Variants in UCHL5 observed in about 807,000 individuals in gnomAD.
UCHL5 encodes the protein ubiquitin C-terminal hydrolase L5, also known as ubiquitin carboxyl-terminal hydrolase isozyme L5.
A neutral mutation model predicts 53.8 loss-of-function variants in UCHL5; 34 were observed. The ratio of observed to expected loss-of-function variants is 0.63; its 90% CI spans 0.48 to 0.84. The LOEUF (loss-of-function observed/expected upper bound fraction) is 0.84, where lower values mean the gene tolerates loss of function less well. Among genes scored for constraint, UCHL5 ranks in the 40% least tolerant of loss-of-function variants. The pLI, the probability that UCHL5 is intolerant of heterozygous loss-of-function variation, is 0.00. For missense variants in UCHL5, 290 were observed against 385.6 expected, an observed-to-expected ratio of 0.75 and a Z score of 2.08; for synonymous variants, 111 against 126.3, an observed-to-expected ratio of 0.88 and a Z score of 0.81.
chr1:193,059,859 T>G, upstream of UCHL5: 1 of 1,363,858 alleles, frequency 7.3e-7, no homozygotes, highest in Non-Finnish European at 9.8e-7. The surrounding 1 kb of genome is among the most constrained non-coding windows in gnomAD (Gnocchi z 4.9). Context: ...TCCATGTCTC[T>G]CACCCGCATC....
intron 3 of UCHL5, among the ~76,000 whole-genome samples, chr1:193,038,178 C>T (rs1220612732): frequency 2.6e-5 from 4 of 152,110 alleles, no homozygotes; most frequent in Non-Finnish European, 5.9e-5. Flanking sequence ...AGTCTTAGGC[C>T]GGGCACCGTG....
intron 1 of UCHL5, among the ~76,000 whole-genome samples, chr1:193,058,269 G>T (rs1671410758): frequency 6.6e-6 from 1 of 152,046 alleles, no homozygotes; most frequent in South Asian, 2.1e-4. Flanking sequence ...CACTGTGCCT[G>T]AGATATAGAA....
At chr1:193,043,278 T>C (rs981257370) in intron 3 of UCHL5, among the ~76,000 whole-genome samples, 47 of 151,188 alleles carry the variant, frequency 3.1e-4, no homozygotes, top group African/African-American at 1.1e-3. Context: ...TCTCAGGACA[T>C]CTCCCCTTTG....
At chr1:193,027,391 T>G (rs1030718340) in intron 7 of UCHL5, among the ~76,000 whole-genome samples, 1 of 152,004 alleles carries the variant, frequency 6.6e-6, no homozygotes, top group East Asian at 1.9e-4. Context: ...TATCCAACAG[T>G]ACAAAATACC....
At chr1:193,051,925 G>C in intron 1 of UCHL5, 108 bp from the exon 2 acceptor site, 2 of 751,456 alleles carry the variant, frequency 2.7e-6, no homozygotes, top group Non-Finnish European at 4.4e-6. Context: ...AAACAAAATG[G>C]TAAAACTAAT....
rs1468377397 is a variant in UCHL5, at chr1:193,029,732, C to T, written c.247-75G>A. 11 of 1,160,390 alleles carry T rather than the reference C, an allele frequency of 9.5e-6. No homozygotes were observed. The East Asian group carries it at 2.6e-4, about 28-fold the overall frequency. 71.9% of individuals were successfully genotyped at this position (1,160,390 alleles called of 1,614,324 possible). On this transcript the variant is annotated intron_variant, in intron 3 of 10. Transcript: ENST00000367454. ...TGGTTTTTAACTGGTGACAATGGCC[C>T]CAAAACATGAACAGTTTTCAAATTA... is the stretch of plus-strand genomic sequence containing the variant.
At position 193,013,187 on chromosome 1, in the gene UCHL5, A is replaced by G. The variant is rs976418757; in HGVS notation, c.*3164T>C. ...CACAACTACTGCAACATGTTCTAAC[A>G]TTAATAGTTCCAACAGTGAACTCCC... On this transcript the variant is annotated 3_prime_UTR_variant, in exon 11 of 11. Transcript: ENST00000367454. The G allele has an allele frequency of 5.9e-5, 9 of 152,232 alleles. No individual in the cohort carries two copies. The highest frequency in any genetic ancestry group is 2.0e-4 in the Admixed American group (3 of 15,284). 9.4% of individuals were successfully genotyped at this position (152,232 alleles called of 1,614,324 possible). A position where few individuals can be genotyped will look rare whatever the true frequency, so the allele number is the denominator to read the frequency against.
chr1:193,018,099 T>A (rs1655487970), intron 10 of UCHL5, among the ~76,000 whole-genome samples: 1 of 151,576 alleles, frequency 6.6e-6, no homozygotes, highest in Non-Finnish European at 1.5e-5. Flanking sequence ...TAATAGATAC[T>A]AATGTAGATA....
intron 10 of UCHL5, among the ~76,000 whole-genome samples, chr1:193,018,057 A>G (rs1407917873): frequency 1.3e-5 from 2 of 151,594 alleles, no homozygotes; most frequent in Non-Finnish European, 3.0e-5. Context: ...ATGATATTAA[A>G]AAGTACTGAC....
intron 2 of UCHL5, 80 bp from the exon 3 acceptor site, chr1:193,049,931 G>T: frequency 8.3e-7 from 1 of 1,200,032 alleles, no homozygotes. Context: ...ATTTTAGTCA[G>T]TTATCTAACA....
intron 3 of UCHL5, among the ~76,000 whole-genome samples, chr1:193,030,137 T>C (rs1392097051): frequency 6.6e-6 from 1 of 152,214 alleles, no homozygotes; most frequent in Non-Finnish European, 1.5e-5. Flanking sequence ...GGGTATACAA[T>C]GTCCACATAT....
At chr1:193,038,857 G>A (rs554255443) in intron 3 of UCHL5, among the ~76,000 whole-genome samples, 1 of 151,090 alleles carries the variant, frequency 6.6e-6, no homozygotes, top group Middle Eastern at 3.4e-3. Flanking sequence ...TTAGCCACCT[G>A]TGCTAGTGCA....
At chr1:193,043,472 T>A (rs1323376040) in intron 3 of UCHL5, among the ~76,000 whole-genome samples, 2 of 152,226 alleles carry the variant, frequency 1.3e-5, no homozygotes, top group Admixed American at 6.5e-5. Context: ...TCTGACAAGG[T>A]GAAGTCCCAC....
intron 3 of UCHL5, among the ~76,000 whole-genome samples, chr1:193,043,800 A>G (rs967422158): frequency 1.3e-5 from 2 of 152,304 alleles, no homozygotes; most frequent in East Asian, 3.9e-4. Context: ...TACTCTGCAT[A>G]TTGTCACATA....
chr1:193,020,594 G>GA (rs1656623493), intron 10 of UCHL5: 5 of 1,087,828 alleles, frequency 4.6e-6, no homozygotes, highest in Admixed American at 4.0e-5. Flanking sequence ...TGTTACTTAT[G>GA]AAAAAAATCA....
At chr1:193,025,428 G>A (rs967851573) in intron 7 of UCHL5, among the ~76,000 whole-genome samples, 4 of 152,168 alleles carry the variant, frequency 2.6e-5, no homozygotes, top group Non-Finnish European at 1.5e-5. Flanking sequence ...ACCCATTTGT[G>A]GTATCAAAGG....
chr1:193,059,718 G>A (rs1176182513), upstream of UCHL5: 1 of 1,353,388 alleles, frequency 7.4e-7, no homozygotes, highest in African/African-American at 1.5e-5. This position sits in a 1 kb window ranked among gnomAD's most constrained non-coding sequence, Gnocchi z 4.9. Flanking sequence ...GTTTCCCAGC[G>A]CTGCGCAGGA....
chr1:193,032,928 G>A (rs780489366), intron 3 of UCHL5, among the ~76,000 whole-genome samples: 5 of 152,166 alleles, frequency 3.3e-5, no homozygotes, highest in Admixed American at 6.5e-5. Flanking sequence ...CATTGTTGGT[G>A]GGAGTGTAAA....
At chr1:193,051,476 T>TAAA (rs375074775) in intron 2 of UCHL5, among the ~76,000 whole-genome samples, 15 of 119,746 alleles carry the variant, frequency 1.3e-4, no homozygotes, top group Admixed American at 3.5e-4. Flanking sequence ...GTGAATTTTG[T>TAAA]AAAAAAAAAA....
Sources: gnomAD v4.1 joint callset for allele counts (sites outside exome capture counted in the v4.1 genomes callset) on GRCh38, gnomAD v4.1.1 for gene constraint, Gnocchi (gnomAD v3.1) non-coding constraint, MANE v1.5 for transcripts, NCBI Gene and HGNC (gene_info 2026-07-23, HGNC 2026-07-21) for gene names.